CORO7: variants seen among roughly 807,000 people sequenced by gnomAD.
The protein encoded by CORO7 is coronin-7.
A neutral mutation model predicts 126.6 loss-of-function variants in CORO7; 107 were observed. The observed-to-expected ratio is 0.85, with a 90% confidence interval of 0.72 to 0.99. The LOEUF (loss-of-function observed/expected upper bound fraction) is 0.99. Among genes scored for constraint, CORO7 ranks in the 50% least tolerant of loss-of-function variants. The pLI is 0.00. For synonymous variants in CORO7, 603 were observed against 536.8 expected, an observed-to-expected ratio of 1.12 and a Z score of -1.70; for missense variants, 1,314 against 1,255.8, an observed-to-expected ratio of 1.05 and a Z score of -0.70.
At chr16:4,374,084 C>T (rs1274570015) in intron 9 of CORO7, among the ~76,000 whole-genome samples, 2 of 147,334 alleles carry the variant, frequency 1.4e-5, no homozygotes, top group African/African-American at 5.4e-5. Context: ...GGGGAGGGTG[C>T]ACGTGTGTGT....
At chr16:4,367,352 T>C (rs2054379220) in intron 9 of CORO7, among the ~76,000 whole-genome samples, 1 of 152,222 alleles carries the variant, frequency 6.6e-6, no homozygotes, top group African/African-American at 2.4e-5. Flanking sequence ...GCAAGTCCCT[T>C]CAGCAGCTTT....
intron 5 of CORO7, among the ~76,000 whole-genome samples, chr16:4,406,016 A>G (rs1376969228): frequency 6.6e-6 from 1 of 152,134 alleles, no homozygotes; most frequent in Non-Finnish European, 1.5e-5. Context: ...AACCCCCACT[A>G]CTTTTCGGAG....
At position 4,362,078 on chromosome 16, in the gene CORO7, G is replaced by A. The variant is rs775535940; in HGVS notation, c.1485C>T (p.Leu495=). 4.3e-6 allele frequency: 7 copies of A among 1,613,078 alleles called. No homozygotes were observed. Among genetic ancestry groups the A allele is most frequent in the Admixed American group, 1.7e-5 (1 of 59,992 alleles). ...SHITNLKGLN[L]TTPGESDGFC... Reference sequence around the variant, plus strand: ...AGCCGTCACTCTCACCAGGTGTGGTGAGGTTGAGCCCCTTGAGGTTGGTGA... The same window carrying A: ...AGCCGTCACTCTCACCAGGTGTGGTAAGGTTGAGCCCCTTGAGGTTGGTGA... The change falls in exon 16 of 28, where the codon CTC becomes CTT. Residue 495 remains leucine, a synonymous_variant. Coordinates refer to ENST00000251166, the MANE Select transcript of CORO7 (RefSeq NM_024535.5). The surrounding 1 kb of genome is among the most constrained non-coding windows in gnomAD (Gnocchi z 5.3).
chr16:4,372,341 G>A (rs1464838707), intron 9 of CORO7, among the ~76,000 whole-genome samples: 2 of 152,262 alleles, frequency 1.3e-5, no homozygotes, highest in African/African-American at 4.8e-5. Flanking sequence ...CTTTGAGGGG[G>A]ATAGCCAAGC....
At chr16:4,381,282 C>T in intron 9 of CORO7, 2 of 1,611,394 alleles carry the variant, frequency 1.2e-6, no homozygotes, top group Non-Finnish European at 1.7e-6. Context: ...GCAAGAACCG[C>T]ATCCGCCACA....
intron 1 of CORO7, chr16:4,415,784 C>A: frequency 1.0e-6 from 1 of 985,686 alleles, no homozygotes; most frequent in African/African-American, 1.7e-5. Flanking sequence ...AGTCCTCCTG[C>A]CGTTTCGGGG....
chr16:4,380,872 C>G, intron 9 of CORO7: 3 of 1,512,780 alleles, frequency 2.0e-6, no homozygotes, highest in Non-Finnish European at 2.6e-6. Context: ...CTCCCAGGGA[C>G]AGAAGATGTG....
chr16:4,412,695 T>A, intron 2 of CORO7: 2 of 496,262 alleles, frequency 4.0e-6, no homozygotes, highest in Non-Finnish European at 3.6e-6. Context: ...GAAAGGGGCG[T>A]GGGGCTTTCG....
At position 4,360,468 on chromosome 16, in the gene CORO7, G is replaced by T; in HGVS notation, c.1998C>A (p.Pro666=). 1 of 1,612,510 alleles carries T rather than the reference G, an allele frequency of 6.2e-7. No homozygotes were observed. Among genetic ancestry groups the T allele is most frequent in the Non-Finnish European group, 8.5e-7 (1 of 1,179,738 alleles). Residue 666 remains proline (P), a synonymous_variant, in exon 20 of 28, where the codon CCC becomes CCA. Coordinates refer to ENST00000251166, the MANE Select transcript of CORO7 (RefSeq NM_024535.5). ...CCTGCAGGGGCTCAGGGCCACTCCG[G>T]GGCCTGTAGACCCGCACACGCCCAT... ...CKDGRVRVYR[P]RSGPEPLQEG...
chr16:4,412,316 C>G, intron 3 of CORO7, 40 bp downstream of exon 3: 2 of 1,609,662 alleles, frequency 1.2e-6, no homozygotes, highest in Non-Finnish European at 1.7e-6. Flanking sequence ...GAGGGAGGTG[C>G]AAGTTTCAGG....
At chr16:4,385,995 C>G (rs957254025) in intron 9 of CORO7, among the ~76,000 whole-genome samples, 2 of 152,244 alleles carry the variant, frequency 1.3e-5, no homozygotes, top group African/African-American at 2.4e-5. Flanking sequence ...TAGATTTGCT[C>G]AGAGGCCCCG....
intron 5 of CORO7, among the ~76,000 whole-genome samples, chr16:4,405,915 G>A (rs1043185134): frequency 3.4e-4 from 51 of 152,210 alleles, no homozygotes; most frequent in African/African-American, 2.9e-4. Context: ...ACTCTCCCTC[G>A]CTAGTGTGAG....
intron 9 of CORO7, among the ~76,000 whole-genome samples, chr16:4,372,903 T>C (rs2054586476): frequency 6.6e-6 from 1 of 152,100 alleles, no homozygotes; most frequent in Non-Finnish European, 1.5e-5. Flanking sequence ...CAGGTGAGGC[T>C]CTGGAGAGAG....
At chr16:4,390,693 T>C (rs1160557529) in intron 7 of CORO7, among the ~76,000 whole-genome samples, 1 of 152,164 alleles carries the variant, frequency 6.6e-6, no homozygotes, top group Non-Finnish European at 1.5e-5. Context: ...CCTTGGCCTG[T>C]AGCTCCCACC....
At chr16:4,412,702 T>G in intron 2 of CORO7, 1 of 478,844 alleles carries the variant, frequency 2.1e-6, no homozygotes, top group Non-Finnish European at 3.7e-6. Flanking sequence ...GCGTGGGGCT[T>G]TCGTATGGGG....
At position 4,359,534 on chromosome 16, in the gene CORO7, T is replaced by TGAGG; in HGVS notation, c.2192_2195dup (p.Thr733LeufsTer46). ...CTGGGTCGTAGCTGGGCAGCAGGGT[T>TGAGG]GAGGGAGCCACGTCCAGGCCCAACA... On this transcript the variant is annotated frameshift_variant, in exon 22 of 28. Coordinates refer to ENST00000251166, the MANE Select transcript of CORO7 (RefSeq NM_024535.5). LOFTEE classifies it high-confidence loss of function. 1 of 1,613,292 alleles carries TGAGG rather than the reference T, an allele frequency of 6.2e-7. No homozygotes were observed. Among genetic ancestry groups the TGAGG allele is most frequent in the Non-Finnish European group, 8.5e-7 (1 of 1,179,910 alleles).
chr16:4,360,326 A>G lies in CORO7; in HGVS notation c.2060T>C (p.Ile687Thr), dbSNP rs768734194. The change falls in exon 21 of 28, where the codon ATT becomes ACT. Residue 687 changes from isoleucine to threonine, a missense_variant. Physicochemically the swap from Ile to Thr is moderately conservative, Grantham distance 89. Transcript: ENST00000251166. Reference protein sequence around the residue: ...PGPKGGRGARIVWVCDGRCLL... With the variant: ...PGPKGGRGARTVWVCDGRCLL... The stretch of plus-strand genomic sequence containing the variant: ...ACAGCGACCATCACATACCCAGACA[A>G]TGCGAGCTCCGCGTCCTCCCTTGGG... 1.5e-5 allele frequency: 25 copies of G among 1,613,658 alleles called. No homozygotes were observed. Among genetic ancestry groups the G allele is most frequent in the Non-Finnish European group, 2.1e-5 (25 of 1,179,980 alleles).
chr16:4,375,909 C>T (rs966888804), intron 9 of CORO7, among the ~76,000 whole-genome samples: 11 of 152,166 alleles, frequency 7.2e-5, no homozygotes, highest in Non-Finnish European at 1.0e-4. Flanking sequence ...AGGTGGGAGA[C>T]GGAAGCCCAG....
chr16:4,374,086 C>CGTGTGTGTGTGTGTGTGTGTGTGTGT (rs112578905), intron 9 of CORO7, among the ~76,000 whole-genome samples: 10 of 148,772 alleles, frequency 6.7e-5, no homozygotes, highest in African/African-American at 2.2e-4. Context: ...GGAGGGTGCA[C>CGTGTGTGTGTGTGTGTGTGTGTGTGT]GTGTGTGTGT....
Sources: allele counts gnomAD v4.1 joint callset (sites outside exome capture counted in the v4.1 genomes callset), GRCh38; gene constraint gnomAD v4.1.1; non-coding constraint Gnocchi (gnomAD v3.1); transcripts MANE v1.5; gene names NCBI Gene and HGNC (gene_info 2026-07-23, HGNC 2026-07-21).